STK32C: variants seen among roughly 807,000 people sequenced by gnomAD.
STK32C encodes serine/threonine kinase 32C.
In STK32C, 31 loss-of-function variants were observed where a neutral mutation model predicts 56.5. The ratio of observed to expected loss-of-function variants is 0.55; its 90% confidence interval spans 0.41 to 0.74. The LOEUF is 0.74. Among genes scored for constraint, STK32C ranks in the 30% least tolerant of loss-of-function variants. STK32C has a pLI of 0.00. For synonymous variants in STK32C, 309 were observed against 289.4 expected (o/e 1.07, Z -0.69); for missense variants, 544 against 676.9 (o/e 0.80, Z 2.18).
At chr10:132,253,400 G>GACGAGGGAGC (rs2063977359) in intron 1 of STK32C, among the ~76,000 whole-genome samples, 1 of 145,034 alleles carries the variant, frequency 6.9e-6, no homozygotes, top group African/African-American at 2.8e-5. Flanking sequence ...GCTGGAGGGA[G>GACGAGGGAGC]TCGAGGGAGC....
At chr10:132,275,580 G>A (rs2064970039) in intron 1 of STK32C, among the ~76,000 whole-genome samples, 1 of 152,212 alleles carries the variant, frequency 6.6e-6, no homozygotes, top group Non-Finnish European at 1.5e-5. Context: ...CCGCCGACGT[G>A]TCACTGCAAT....
intron 1 of STK32C, among the ~76,000 whole-genome samples, chr10:132,256,861 C>G (rs1248816708): frequency 6.6e-6 from 1 of 152,216 alleles, no homozygotes; most frequent in Admixed American, 6.5e-5. Flanking sequence ...ATGGAGACAG[C>G]CCTGACTCGG....
At position 132,307,823 on chromosome 10, in the gene STK32C, C is replaced by A. The variant is rs1488968747; in HGVS notation, c.11G>T (p.Gly4Val). The change falls in exon 1 of 12, where the codon GGC (glycine) becomes GTC (valine). Residue 4 changes from glycine (G) to valine (V), a missense_variant. Coordinates refer to ENST00000298630, the MANE Select transcript of STK32C (RefSeq NM_173575.4). This position sits in a 1 kb window ranked among gnomAD's most constrained non-coding sequence, Gnocchi z 4.4. The part of the protein sequence containing the change: MRS[G>V]AERRGSSAAA... ...GGCGCTGCTGCCCCTGCGCTCGGCG[C>A]CACTCCTCATCGCCGGGTCTGGGTG... 9.0e-7 allele frequency: 1 copy of A among 1,112,606 alleles called. No individual in the cohort carries two copies. Among genetic ancestry groups the A allele is most frequent in the East Asian group, 9.5e-5 (1 of 10,542 alleles). 68.9% of individuals were successfully genotyped at this position (1,112,606 alleles called of 1,614,324 possible). A position where few individuals can be genotyped will look rare whatever the true frequency, so the allele number is the denominator to read the frequency against.
At chr10:132,215,252 A>C (rs2062434311) in intron 10 of STK32C, among the ~76,000 whole-genome samples, 2 of 152,094 alleles carry the variant, frequency 1.3e-5, no homozygotes, top group African/African-American at 4.8e-5. Context: ...GGACTCAAGC[A>C]ATCCTCTCAC....
At chr10:132,247,671 G>T (rs1232115296) in intron 1 of STK32C, among the ~76,000 whole-genome samples, 1 of 152,154 alleles carries the variant, frequency 6.6e-6, no homozygotes, top group East Asian at 1.9e-4. Context: ...TGGGTGAAGT[G>T]GGAGGGCAGT....
chr10:132,293,950 C>T (rs577798163), intron 1 of STK32C, among the ~76,000 whole-genome samples: 4 of 151,958 alleles, frequency 2.6e-5, no homozygotes, highest in South Asian at 2.1e-4. Context: ...AAGGGGCCCC[C>T]GAGGGAGCTC....
chr10:132,224,433 T>C lies in STK32C; in HGVS notation c.967A>G (p.Lys323Glu), dbSNP rs2062802062. Reference protein sequence around the residue: ...VSVQYVPTWSKEMVALLRKLL... With the variant: ...VSVQYVPTWSEEMVALLRKLL... ...TTCCGCAGCAAGGCCACCATCTCCT[T>C]GGACCACGTGGGGACATACTGGACG... Residue 323 changes from lysine (K) to glutamate (E), a missense_variant, in exon 8 of 12, where the codon AAG (lysine) becomes GAG (glutamate). This residue lies in a region of STK32C where 277 missense variants were observed against 309.3 expected (regional missense o/e 0.90). Coordinates refer to ENST00000298630, the MANE Select transcript of STK32C (RefSeq NM_173575.4). 6.4e-7 allele frequency: 1 copy of C among 1,555,910 alleles called. No homozygotes were observed.
intron 8 of STK32C, 49 bp downstream of exon 8, chr10:132,224,358 A>G (rs2062798231): frequency 7.3e-7 from 1 of 1,371,292 alleles, no homozygotes; most frequent in Non-Finnish European, 1.0e-6. Context: ...TAAGTGAGGG[A>G]GGGAGGTGGG....
chr10:132,244,200 G>A (rs984201191), intron 2 of STK32C, among the ~76,000 whole-genome samples: 2 of 152,186 alleles, frequency 1.3e-5, no homozygotes, highest in Admixed American at 6.5e-5. Context: ...CTGCAGGCCT[G>A]ATGAGGAGGC....
chr10:132,282,407 C>T (rs540657801), intron 1 of STK32C, among the ~76,000 whole-genome samples: 89 of 152,244 alleles, frequency 5.8e-4, no homozygotes, highest in African/African-American at 1.9e-3. Context: ...CAGTGCCAGG[C>T]GTCAGCTACC....
At chr10:132,225,140 T>C in intron 7 of STK32C, 93 bp downstream of exon 7, 1 of 978,138 alleles carries the variant, frequency 1.0e-6, no homozygotes, top group South Asian at 1.6e-5. Flanking sequence ...CCTGCGCACC[T>C]GGACACTGGG....
At chr10:132,233,306 C>T (rs1290160763) in intron 2 of STK32C, among the ~76,000 whole-genome samples, 1 of 152,172 alleles carries the variant, frequency 6.6e-6, no homozygotes, top group Non-Finnish European at 1.5e-5. Flanking sequence ...GAGGCAGTTC[C>T]ATCTCTCACT....
intron 1 of STK32C, 121 bp from the exon 2 acceptor site, chr10:132,246,076 G>T (rs1397207408): frequency 7.9e-6 from 8 of 1,015,206 alleles, no homozygotes; most frequent in Non-Finnish European, 1.2e-5. Context: ...CTAGAAGAGG[G>T]TCGCCGTGGG....
chr10:132,221,542 T>G (rs1441123950), intron 10 of STK32C, among the ~76,000 whole-genome samples: 1 of 135,478 alleles, frequency 7.4e-6, no homozygotes, highest in South Asian at 2.5e-4. Flanking sequence ...CCTGGGCAAG[T>G]GTGAGGGCTT....
intron 1 of STK32C, among the ~76,000 whole-genome samples, chr10:132,295,474 AC>A (rs1319975771): frequency 6.6e-6 from 1 of 152,250 alleles, no homozygotes; most frequent in Non-Finnish European, 1.5e-5. Flanking sequence ...GGACGGGGTG[AC>A]CAAGAAATTA....
chr10:132,210,251 C>T (rs886959488), intron 10 of STK32C, among the ~76,000 whole-genome samples: 3 of 152,200 alleles, frequency 2.0e-5, no homozygotes, highest in Admixed American at 6.5e-5. Flanking sequence ...CACCTGGACA[C>T]TCTTGCCTGC....
Position 132,208,027 on chromosome 10 carries a change from A to C in STK32C, c.1444T>G (p.Ser482Ala). 1 of 1,310,292 alleles carries C rather than the reference A, an allele frequency of 7.6e-7. No homozygotes were observed. The allele number at this position is 1,310,292 out of a possible 1,614,324, so 81.2% of individuals were successfully genotyped here. A position where few individuals can be genotyped will look rare whatever the true frequency, so the allele number is the denominator to read the frequency against. Residue 482 changes from serine to alanine, a missense_variant, in exon 12 of 12, where the codon TCG becomes GCG. Physicochemically the swap from Ser to Ala is moderately conservative, Grantham distance 99 (BLOSUM62 1). Around this residue, in one of 3 missense-constraint regions of STK32C, gnomAD observed 277 missense variants for 309.3 expected, o/e 0.90. Coordinates refer to ENST00000298630, the MANE Select transcript of STK32C (RefSeq NM_173575.4). ...ALPMCGPICPSAGSG is the reference protein window; with the variant it reads ...ALPMCGPICPAAGSG ...GTCCCGGCCTAGCCGCTCCCGGCCG[A>C]GGGGCAAATGGGGCCGCACATGGGC...
intron 2 of STK32C, among the ~76,000 whole-genome samples, chr10:132,242,674 C>G (rs2063547792): frequency 6.6e-6 from 1 of 152,220 alleles, no homozygotes; most frequent in South Asian, 2.1e-4. Flanking sequence ...CCCCCTTCTC[C>G]CAGCCTGCAC....
At chr10:132,225,828 T>A in intron 4 of STK32C, 44 bp from the exon 5 acceptor site, 1 of 1,612,202 alleles carries the variant, frequency 6.2e-7, no homozygotes, top group Non-Finnish European at 8.5e-7. Flanking sequence ...GAATCTGCCC[T>A]GTTTCTGCCC....
Sources: gnomAD v4.1 joint callset for allele counts (sites outside exome capture counted in the v4.1 genomes callset) on GRCh38, gnomAD v4.1.1 for gene constraint, gnomAD v4.1.1 regional missense constraint, Gnocchi (gnomAD v3.1) non-coding constraint, MANE v1.5 for transcripts, NCBI Gene and HGNC (gene_info 2026-07-23, HGNC 2026-07-21) for gene names.